Variants in SLC24A2 observed in about 807,000 individuals in gnomAD.
The protein encoded by SLC24A2 is solute carrier family 24 member 2, also known as sodium/potassium/calcium exchanger 2.
SLC24A2 carries 36 observed loss-of-function variants against 62.0 expected under a neutral mutation model. The ratio of observed to expected loss-of-function variants is 0.58; its 90% confidence interval spans 0.44 to 0.77. SLC24A2 has a LOEUF of 0.77. Among genes scored for constraint, SLC24A2 ranks in the 30% least tolerant of loss-of-function variants. SLC24A2 has a pLI of 0.00. For missense variants in SLC24A2, 846 were observed against 817.9 expected (o/e 1.03, Z -0.42); for synonymous variants, 358 against 294.0 (o/e 1.22, Z -2.23).
intron 10 of SLC24A2, among the ~76,000 whole-genome samples, chr9:19,518,446 G>C (rs7040813): frequency 0.028 from 4,172 of 147,692 alleles, 199 homozygotes; most frequent in African/African-American, 0.1. Context: ...TTTTGAGATG[G>C]AGTCTTGCTC....
chr9:19,933,652 T>C, the SLC24A2 span, among the ~76,000 whole-genome samples: 3 of 152,220 alleles, frequency 2.0e-5, no homozygotes, highest in Non-Finnish European at 4.4e-5. Flanking sequence ...CACATGTCTG[T>C]TTAAACACTT....
intron 5 of SLC24A2, among the ~76,000 whole-genome samples, chr9:19,595,779 T>C (rs1836688220): frequency 6.6e-6 from 1 of 151,988 alleles, no homozygotes; most frequent in South Asian, 2.1e-4. Context: ...TAGAAGGTAA[T>C]GGACAGGATG....
the SLC24A2 span, among the ~76,000 whole-genome samples, chr9:20,080,303 A>G: frequency 1.3e-5 from 2 of 152,256 alleles, no homozygotes; most frequent in Non-Finnish European, 2.9e-5. Context: ...AACAGAACAG[A>G]GTGCTCAGAA....
intron 2 of SLC24A2, among the ~76,000 whole-genome samples, chr9:19,732,837 T>A (rs974246412): frequency 1.3e-5 from 2 of 152,106 alleles, no homozygotes; most frequent in Non-Finnish European, 2.9e-5. Context: ...GAGAAAAGGC[T>A]GAGAATTGAA....
chr9:19,523,607 C>T (rs1563930484), intron 9 of SLC24A2, among the ~76,000 whole-genome samples: 1 of 152,064 alleles, frequency 6.6e-6, no homozygotes, highest in Non-Finnish European at 1.5e-5. Flanking sequence ...GGATTACAGG[C>T]ATCTGCCACC....
At chr9:20,011,784 A>G in the SLC24A2 span, among the ~76,000 whole-genome samples, 1 of 152,218 alleles carries the variant, frequency 6.6e-6, no homozygotes, top group Non-Finnish European at 1.5e-5. Flanking sequence ...AAAATCAAAG[A>G]AAAAGAATAT....
chr9:19,859,604 T>C, the SLC24A2 span, among the ~76,000 whole-genome samples: 1 of 152,198 alleles, frequency 6.6e-6, no homozygotes, highest in African/African-American at 2.4e-5. Context: ...ACTATCTACA[T>C]GCACAATAAA....
chr9:20,288,490 C>A, the SLC24A2 span, among the ~76,000 whole-genome samples: 1 of 152,050 alleles, frequency 6.6e-6, no homozygotes, highest in Non-Finnish European at 1.5e-5. Flanking sequence ...TGGAAAGGGC[C>A]AGGTGCGGTG....
the SLC24A2 span, among the ~76,000 whole-genome samples, chr9:20,280,266 C>T: frequency 2.8e-4 from 43 of 152,336 alleles, 1 homozygote; most frequent in African/African-American, 9.9e-4. Context: ...AATTACACCA[C>T]AGAGGTGGTC....
At chr9:20,082,274 AC>A in the SLC24A2 span, among the ~76,000 whole-genome samples, 17 of 152,020 alleles carry the variant, frequency 1.1e-4, no homozygotes, top group Non-Finnish European at 1.5e-5. Flanking sequence ...ACCCTTATTA[AC>A]CCCAATTTTG....
At chr9:20,040,107 AG>A in the SLC24A2 span, among the ~76,000 whole-genome samples, 1 of 152,228 alleles carries the variant, frequency 6.6e-6, no homozygotes, top group African/African-American at 2.4e-5. Flanking sequence ...TCCAAGAACA[AG>A]GTATGTGCTC....
the SLC24A2 span, among the ~76,000 whole-genome samples, chr9:20,218,424 C>A: frequency 3.3e-5 from 5 of 152,122 alleles, no homozygotes; most frequent in African/African-American, 7.2e-5. Context: ...ACTTTCACCA[C>A]CACCACAACC....
chr9:19,572,606 G>A (rs1453333618), intron 7 of SLC24A2, among the ~76,000 whole-genome samples: 1 of 152,082 alleles, frequency 6.6e-6, no homozygotes, highest in Non-Finnish European at 1.5e-5. Flanking sequence ...GTTTCCTGAG[G>A]CCTCTCAGTC....
At chr9:20,107,005 A>C in the SLC24A2 span, among the ~76,000 whole-genome samples, 3 of 152,362 alleles carry the variant, frequency 2.0e-5, no homozygotes, top group Non-Finnish European at 4.4e-5. Flanking sequence ...GCAAAGTCTC[A>C]GGATACAAAA....
the SLC24A2 span, among the ~76,000 whole-genome samples, chr9:20,136,553 T>C: frequency 6.6e-6 from 1 of 152,156 alleles, no homozygotes; most frequent in East Asian, 1.9e-4. Flanking sequence ...AAGGAAGCCT[T>C]AATGCTGAAA....
chr9:20,122,050 A>C, the SLC24A2 span, among the ~76,000 whole-genome samples: 1 of 152,200 alleles, frequency 6.6e-6, no homozygotes, highest in Non-Finnish European at 1.5e-5. Flanking sequence ...AGGGCATTTC[A>C]CTGAGATGAG....
the SLC24A2 span, among the ~76,000 whole-genome samples, chr9:20,226,012 G>C: frequency 2.0e-5 from 3 of 152,118 alleles, no homozygotes; most frequent in Admixed American, 1.3e-4. Context: ...GGATCATACA[G>C]TTTGTCAATG....
intron 2 of SLC24A2, among the ~76,000 whole-genome samples, chr9:19,662,840 G>A (rs1186267207): frequency 6.6e-6 from 1 of 152,116 alleles, no homozygotes; most frequent in Non-Finnish European, 1.5e-5. Context: ...ATTGCTCCTT[G>A]GTTTCATTCA....
the SLC24A2 span, among the ~76,000 whole-genome samples, chr9:20,106,210 C>T: frequency 2.0e-5 from 3 of 152,142 alleles, no homozygotes; most frequent in South Asian, 2.1e-4. Context: ...TAATCAATAG[C>T]TTACCAACCA....
Sources: allele counts gnomAD v4.1 joint callset (sites outside exome capture counted in the v4.1 genomes callset), GRCh38; gene constraint gnomAD v4.1.1; transcripts MANE v1.5; gene names NCBI Gene and HGNC (gene_info 2026-07-23, HGNC 2026-07-21).